Variants in GALNTL6 observed in about 807,000 individuals in gnomAD.
GALNTL6 encodes polypeptide N-acetylgalactosaminyltransferase like 6.
GALNTL6 carries 46 observed loss-of-function variants against 73.7 expected under a neutral mutation model. The observed-to-expected ratio is 0.62, with a 90% CI of 0.49 to 0.80. The LOEUF is 0.80. GALNTL6 is among the 30% of genes least tolerant of loss of function. The probability of loss-of-function intolerance (pLI) is 0.00; values close to 1 mark genes in which losing one functional copy is unlikely to be tolerated. For missense variants in GALNTL6, 604 were observed against 755.0 expected (o/e 0.80, Z 2.34); for synonymous variants, 259 against 263.7 (o/e 0.98, Z 0.17).
intron 5 of GALNTL6, among the ~76,000 whole-genome samples, chr4:172,447,665 G>A (rs955331361): frequency 6.6e-6 from 1 of 152,094 alleles, no homozygotes; most frequent in Non-Finnish European, 1.5e-5. Context: ...AGTGAAAATG[G>A]CCCTATACAT....
At chr4:172,818,409 T>C (rs1432292090) in intron 7 of GALNTL6, among the ~76,000 whole-genome samples, 1 of 152,220 alleles carries the variant, frequency 6.6e-6, no homozygotes, top group African/African-American at 2.4e-5. Context: ...ACTGCCAGTC[T>C]TCCTCAGATA....
At chr4:172,020,382 T>C (rs1314822263) in intron 2 of GALNTL6, among the ~76,000 whole-genome samples, 1 of 151,206 alleles carries the variant, frequency 6.6e-6, no homozygotes, top group Non-Finnish European at 1.5e-5. Flanking sequence ...TTGCTTTTTT[T>C]TTTTGAAAAG....
In GALNTL6 at chr4:172,070,347, A is replaced by C. The variant is rs1731509635; in HGVS notation, c.139-159309A>C. On this transcript the variant is annotated intron_variant, in intron 2 of 12. Transcript: ENST00000506823. ...AAAACAGAACAGTGGAAGATGATTT[A>C]ATAGTGTTATGATTTGAATATGTCC... is the stretch of plus-strand genomic sequence containing the variant. 2.7e-5 allele frequency among the ~76,000 whole-genome samples: 3 copies of C among 110,552 alleles called. 1 individual carries two copies. Among genetic ancestry groups the C allele is most frequent in the Non-Finnish European group, 6.0e-5 (3 of 49,620 alleles). 72.5% of individuals were successfully genotyped at this position (110,552 alleles called of 152,430 possible). A position where few individuals can be genotyped will look rare whatever the true frequency, so the allele number is the denominator to read the frequency against.
intron 12 of GALNTL6, among the ~76,000 whole-genome samples, chr4:173,035,107 T>C (rs977875675): frequency 3.3e-5 from 5 of 151,330 alleles, no homozygotes; most frequent in Admixed American, 6.6e-5. Context: ...TTTTTTTTTT[T>C]ATTATACTTT....
chr4:172,990,660 T>C (rs1286185070), intron 10 of GALNTL6, among the ~76,000 whole-genome samples: 2 of 152,128 alleles, frequency 1.3e-5, no homozygotes, highest in African/African-American at 4.8e-5. Flanking sequence ...GATTATAAAC[T>C]GCCGTTTGTA....
intron 5 of GALNTL6, among the ~76,000 whole-genome samples, chr4:172,655,024 G>A (rs1389102662): frequency 6.6e-6 from 1 of 152,100 alleles, no homozygotes; most frequent in African/African-American, 2.4e-5. Flanking sequence ...TTGAATTCAA[G>A]CAGTCTAAAT....
intron 5 of GALNTL6, among the ~76,000 whole-genome samples, chr4:172,675,954 A>C (rs542894868): frequency 4.6e-4 from 70 of 152,222 alleles, no homozygotes; most frequent in Non-Finnish European, 9.0e-4. Flanking sequence ...ATAAGAGTTA[A>C]AGTTTAAAAT....
At chr4:172,952,917 A>C (rs1157458698) in intron 10 of GALNTL6, among the ~76,000 whole-genome samples, 1 of 152,202 alleles carries the variant, frequency 6.6e-6, no homozygotes. Flanking sequence ...CAAGTGCGTA[A>C]ATATGGGCAC....
At chr4:172,750,371 C>T (rs4696014) in intron 5 of GALNTL6, among the ~76,000 whole-genome samples, 22,392 of 152,170 alleles carry the variant, frequency 0.15, 1,911 homozygotes, top group East Asian at 0.26. Context: ...CTTAAATCAA[C>T]GAAACTTTCC....
intron 5 of GALNTL6, among the ~76,000 whole-genome samples, chr4:172,394,972 A>T (rs1251693864): frequency 1.3e-5 from 2 of 152,206 alleles, no homozygotes; most frequent in African/African-American, 4.8e-5. Flanking sequence ...ATCTTCTGTT[A>T]CTTCATCAGA....
intron 2 of GALNTL6, among the ~76,000 whole-genome samples, chr4:172,087,444 CAA>C (rs70941381): frequency 1.4e-4 from 14 of 100,538 alleles, no homozygotes; most frequent in Non-Finnish European, 2.0e-4. Context: ...GACTCCATCC[CAA>C]AAAAAAAAAA....
chr4:172,319,243 T>C (rs1300330681), intron 4 of GALNTL6, among the ~76,000 whole-genome samples: 5 of 152,196 alleles, frequency 3.3e-5, no homozygotes, highest in African/African-American at 7.2e-5. Flanking sequence ...AGCACTTAGA[T>C]TGTGATGCCA....
At chr4:172,545,395 A>G (rs943023735) in intron 5 of GALNTL6, among the ~76,000 whole-genome samples, 3 of 152,216 alleles carry the variant, frequency 2.0e-5, no homozygotes, top group African/African-American at 7.2e-5. Flanking sequence ...GCACCAGAAA[A>G]TAGACATTTG....
chr4:172,376,265 G>A (rs1292315926), intron 5 of GALNTL6, among the ~76,000 whole-genome samples: 1 of 152,204 alleles, frequency 6.6e-6, no homozygotes, highest in African/African-American at 2.4e-5. Flanking sequence ...GAGAAGAGAG[G>A]TGAGAGGAAG....
intron 2 of GALNTL6, among the ~76,000 whole-genome samples, chr4:171,978,982 T>C (rs1739805238): frequency 6.6e-6 from 1 of 152,208 alleles, no homozygotes. Context: ...CATGTTATTA[T>C]ACAAAATGTG....
chr4:172,047,187 C>T (rs961035033), intron 2 of GALNTL6, among the ~76,000 whole-genome samples: 3 of 152,098 alleles, frequency 2.0e-5, no homozygotes, highest in African/African-American at 4.8e-5. Context: ...GGACGCTCCC[C>T]GCAGCTCTGT....
At chr4:172,883,638 AC>A (rs1290632222) in intron 8 of GALNTL6, among the ~76,000 whole-genome samples, 4 of 152,190 alleles carry the variant, frequency 2.6e-5, no homozygotes, top group Admixed American at 2.6e-4. Context: ...CTCACCTCCA[AC>A]ACTGGGGGCC....
At chr4:172,097,499 G>A (rs17058053) in intron 2 of GALNTL6, among the ~76,000 whole-genome samples, 4,663 of 152,184 alleles carry the variant, frequency 0.031, 243 homozygotes, top group African/African-American at 0.1. Flanking sequence ...AAATGGAACA[G>A]ATTCAGGTAA....
intron 4 of GALNTL6, among the ~76,000 whole-genome samples, chr4:172,329,075 A>T (rs1011934008): frequency 6.6e-6 from 1 of 152,190 alleles, no homozygotes; most frequent in Non-Finnish European, 1.5e-5. Flanking sequence ...AGCCCTGCCC[A>T]GTGAGGACCA....
Sources: gnomAD v4.1 joint callset for allele counts (sites outside exome capture counted in the v4.1 genomes callset) on GRCh38, gnomAD v4.1.1 for gene constraint, MANE v1.5 for transcripts, NCBI Gene and HGNC (gene_info 2026-07-23, HGNC 2026-07-21) for gene names.